MAP3K3: variants seen among roughly 807,000 people sequenced by gnomAD.
MAP3K3 encodes the protein mitogen-activated protein kinase kinase kinase 3, also known as MAP/ERK kinase kinase 3.
Under a neutral mutation model 80.9 loss-of-function variants are expected in MAP3K3, and 12 were observed. The ratio of observed to expected loss-of-function variants is 0.15; its 90% CI spans 0.10 to 0.24. The LOEUF is 0.24. MAP3K3 is among the 10% of genes least tolerant of loss of function. The pLI is 1.00. For missense variants in MAP3K3, 596 were observed against 834.7 expected (o/e 0.71, Z 3.52); for synonymous variants, 272 against 307.1 (o/e 0.89, Z 1.19).
At chr17:63,667,089 C>A in intron 6 of MAP3K3, 29 bp downstream of exon 6, 1 of 1,556,250 alleles carries the variant, frequency 6.4e-7, no homozygotes, top group South Asian at 1.2e-5. Flanking sequence ...TTTTCTCCCC[C>A]TCTATTTTAT....
chr17:63,628,836 G>A (rs768081637), intron 1 of MAP3K3, among the ~76,000 whole-genome samples: 2 of 152,122 alleles, frequency 1.3e-5, no homozygotes, highest in African/African-American at 4.8e-5. Context: ...AAGTATTAGG[G>A]TAGATTAAAT....
At chr17:63,666,651 A>T (rs1310692030) in intron 5 of MAP3K3, among the ~76,000 whole-genome samples, 1 of 152,182 alleles carries the variant, frequency 6.6e-6, no homozygotes, top group Non-Finnish European at 1.5e-5. Context: ...TGTTTTGCAG[A>T]TTATTACAGG....
At chr17:63,624,636 T>C (rs2034064056) in intron 1 of MAP3K3, among the ~76,000 whole-genome samples, 1 of 152,222 alleles carries the variant, frequency 6.6e-6, no homozygotes, top group African/African-American at 2.4e-5. Flanking sequence ...CCCACATCAG[T>C]TGTCCTCCTG....
intron 6 of MAP3K3, among the ~76,000 whole-genome samples, chr17:63,680,617 T>C (rs2035310572): frequency 6.6e-6 from 1 of 152,160 alleles, no homozygotes; most frequent in African/African-American, 2.4e-5. Flanking sequence ...AAATCCCTTA[T>C]GGCAGAAAAA....
At chr17:63,638,488 G>A (rs2034376795) in intron 2 of MAP3K3, among the ~76,000 whole-genome samples, 1 of 152,166 alleles carries the variant, frequency 6.6e-6, no homozygotes, top group Non-Finnish European at 1.5e-5. Flanking sequence ...TCCAGACTTT[G>A]AGAAGGTCAT....
intron 6 of MAP3K3, among the ~76,000 whole-genome samples, chr17:63,672,520 T>C (rs2035132655): frequency 6.6e-6 from 1 of 152,102 alleles, no homozygotes; most frequent in Non-Finnish European, 1.5e-5. Context: ...CAGTTAGATA[T>C]ATAGGTCTCT....
chr17:63,692,224 T>C lies in MAP3K3; in HGVS notation c.1475-18T>C. Reference sequence around the variant, plus strand: ...CAAGAGGGTCCAGGGTTGCAGCCTCTGCCCTTTCATGCCTCAGGAGCCAAC... The same window carrying C: ...CAAGAGGGTCCAGGGTTGCAGCCTCCGCCCTTTCATGCCTCAGGAGCCAAC... On this transcript the variant is annotated intron_variant, in intron 14 of 15. Coordinates refer to ENST00000361733, the MANE Select transcript of MAP3K3 (RefSeq NM_002401.5). The surrounding 1 kb of genome is among the most constrained non-coding windows in gnomAD (Gnocchi z 4.5). The C allele has an allele frequency of 6.2e-7, 1 of 1,613,596 alleles. No homozygotes were observed. Among genetic ancestry groups the C allele is most frequent in the Non-Finnish European group, 8.5e-7 (1 of 1,179,914 alleles).
At chr17:63,690,613 T>C in intron 12 of MAP3K3, 1 of 596,676 alleles carries the variant, frequency 1.7e-6, no homozygotes, top group Non-Finnish European at 2.9e-6. Flanking sequence ...GGGGAGGGAT[T>C]GGGTGTAAGG....
At chr17:63,634,171 A>T (rs1257669944) in intron 2 of MAP3K3, among the ~76,000 whole-genome samples, 4 of 152,050 alleles carry the variant, frequency 2.6e-5, no homozygotes, top group African/African-American at 9.7e-5. Context: ...CCTTGCTATA[A>T]CTCATTTGTA....
At chr17:63,662,145 C>G (rs1262938345) in intron 5 of MAP3K3, among the ~76,000 whole-genome samples, 3 of 151,108 alleles carry the variant, frequency 2.0e-5, no homozygotes, top group East Asian at 3.9e-4. Flanking sequence ...GTGGCTCACA[C>G]CTGTAATCTC....
chr17:63,664,103 C>T (rs1278073884), intron 5 of MAP3K3, among the ~76,000 whole-genome samples: 1 of 151,510 alleles, frequency 6.6e-6, no homozygotes, highest in Non-Finnish European at 1.5e-5. Context: ...AAAAAATAGC[C>T]GGGCGTGGTA....
intron 4 of MAP3K3, among the ~76,000 whole-genome samples, chr17:63,654,248 T>C (rs922237230): frequency 2.7e-5 from 4 of 150,404 alleles, no homozygotes; most frequent in African/African-American, 9.9e-5. Context: ...TCTCAGCTCT[T>C]GGTAAGCACT....
Position 63,688,405 on chromosome 17 carries a change from C to T in MAP3K3, c.711-122C>T, listed in dbSNP as rs888924842. The stretch of plus-strand genomic sequence containing the variant: ...CTGGGCTCAGAAAAGGGCTATTTCC[C>T]GCAAAATCTGCTTCCCCCACCTAAT... On this transcript the variant is annotated intron_variant, in intron 8 of 15. Coordinates refer to ENST00000361733, the MANE Select transcript of MAP3K3 (RefSeq NM_002401.5). 36 of 777,228 alleles carry T rather than the reference C, an allele frequency of 4.6e-5. No homozygotes were observed. The Admixed American group carries it at 5.4e-4, about 12-fold the overall frequency. 48.1% of individuals were successfully genotyped at this position (777,228 alleles called of 1,614,324 possible). A position where few individuals can be genotyped will look rare whatever the true frequency, so the allele number is the denominator to read the frequency against.
chr17:63,662,155 C>T (rs2034905885), intron 5 of MAP3K3, among the ~76,000 whole-genome samples: 1 of 149,692 alleles, frequency 6.7e-6, no homozygotes, highest in African/African-American at 2.5e-5. Context: ...CCTGTAATCT[C>T]AGCACTTTGG....
At chr17:63,643,522 A>G (rs560361529) in intron 2 of MAP3K3, among the ~76,000 whole-genome samples, 3 of 151,828 alleles carry the variant, frequency 2.0e-5, no homozygotes, top group Non-Finnish European at 2.9e-5. Context: ...AATAATAACA[A>G]TAATAATAAT....
chr17:63,638,402 C>T (rs911867070), intron 2 of MAP3K3, among the ~76,000 whole-genome samples: 2 of 152,098 alleles, frequency 1.3e-5, no homozygotes, highest in African/African-American at 4.8e-5. Flanking sequence ...CAAGTTAGTT[C>T]ATAAACCTTT....
At chr17:63,680,993 GA>G (rs1184138387) in intron 6 of MAP3K3, among the ~76,000 whole-genome samples, 2 of 150,456 alleles carry the variant, frequency 1.3e-5, no homozygotes, top group East Asian at 3.9e-4. Flanking sequence ...TAGAGATGTT[GA>G]AAATCAAATG....
chr17:63,632,843 G>A (rs771129953), intron 2 of MAP3K3, 41 bp downstream of exon 2: 2 of 1,610,966 alleles, frequency 1.2e-6, no homozygotes, highest in East Asian at 2.2e-5. Flanking sequence ...ATTTGTTGGG[G>A]AGGGGTTTTC....
Position 63,650,696 on chromosome 17 carries a change from G to GAGT in MAP3K3, c.168-1861_168-1860insAGT, listed in dbSNP as rs752583799. The stretch of plus-strand genomic sequence containing the variant: ...AGAGAGAGAGAGAGAGAGAGAGAGA[G>GAGT]TTTTTTTTTTTTTTAGACAGGGTCT... On this transcript the variant is annotated intron_variant, in intron 3 of 15. Coordinates refer to ENST00000361733, the MANE Select transcript of MAP3K3 (RefSeq NM_002401.5). Among the ~76,000 whole-genome samples, 20 of 112,486 alleles carry GAGT rather than the reference G, an allele frequency of 1.8e-4. No individual in the cohort carries two copies. The East Asian group carries it at 2.4e-3, about 13-fold the overall frequency. 73.8% of individuals were successfully genotyped at this position (112,486 alleles called of 152,430 possible).
Sources: allele counts gnomAD v4.1 joint callset (sites outside exome capture counted in the v4.1 genomes callset), GRCh38; gene constraint gnomAD v4.1.1; non-coding constraint Gnocchi (gnomAD v3.1); transcripts MANE v1.5; gene names NCBI Gene and HGNC (gene_info 2026-07-23, HGNC 2026-07-21).